Variants in STK32C observed in about 807,000 individuals in gnomAD.
STK32C encodes the protein serine/threonine-protein kinase 32C.
A neutral mutation model predicts 56.5 loss-of-function variants in STK32C; 31 were observed. The ratio of observed to expected loss-of-function variants is 0.55; its 90% CI spans 0.41 to 0.74. The LOEUF (loss-of-function observed/expected upper bound fraction) is 0.74, where lower values mean the gene tolerates loss of function less well. Among genes scored for constraint, STK32C ranks in the 30% least tolerant of loss-of-function variants. STK32C has a pLI of 0.00. For synonymous variants in STK32C, 309 were observed against 289.4 expected (o/e 1.07, Z -0.69); for missense variants, 544 against 676.9 (o/e 0.80, Z 2.18).
intron 1 of STK32C, among the ~76,000 whole-genome samples, chr10:132,250,870 G>T (rs191879779): frequency 6.0e-4 from 91 of 152,348 alleles, no homozygotes; most frequent in African/African-American, 2.2e-3. Context: ...GCTGCACTCA[G>T]AGCCCCCAAA....
At chr10:132,264,267 T>C (rs1379061189) in intron 1 of STK32C, among the ~76,000 whole-genome samples, 1 of 152,232 alleles carries the variant, frequency 6.6e-6, no homozygotes, top group African/African-American at 2.4e-5. Context: ...ATTAACAAGA[T>C]AATTATTTAA....
At chr10:132,300,840 C>T (rs2065891345) in intron 1 of STK32C, among the ~76,000 whole-genome samples, 1 of 152,168 alleles carries the variant, frequency 6.6e-6, no homozygotes. Context: ...ACCAAGGTCT[C>T]GCCACGTGCC....
chr10:132,295,416 G>T (rs1045525218), intron 1 of STK32C, among the ~76,000 whole-genome samples: 4 of 152,360 alleles, frequency 2.6e-5, no homozygotes, highest in Middle Eastern at 3.4e-3. Flanking sequence ...ACCGAAGAAG[G>T]GGTGTTGAAG....
chr10:132,208,871 C>T (rs1277275547), intron 11 of STK32C, among the ~76,000 whole-genome samples, 163 bp downstream of exon 11: 2 of 152,152 alleles, frequency 1.3e-5, no homozygotes, highest in East Asian at 3.9e-4. Flanking sequence ...TGGCAGGGGC[C>T]TCCCGCCGCT....
intron 10 of STK32C, among the ~76,000 whole-genome samples, chr10:132,212,867 G>A (rs557872037): frequency 9.2e-5 from 14 of 152,332 alleles, no homozygotes; most frequent in African/African-American, 3.1e-4. Flanking sequence ...GCGCTGCGGC[G>A]ACCCCCAAGT....
chr10:132,239,378 C>G (rs926598980), intron 2 of STK32C, among the ~76,000 whole-genome samples: 2 of 152,344 alleles, frequency 1.3e-5, no homozygotes, highest in Admixed American at 1.3e-4. Flanking sequence ...CACACAATCA[C>G]AGAATCACAG....
chr10:132,238,482 G>A (rs556831469), intron 2 of STK32C, among the ~76,000 whole-genome samples: 30 of 152,318 alleles, frequency 2.0e-4, no homozygotes, highest in African/African-American at 7.2e-4. Flanking sequence ...GGGAAAAGCA[G>A]GGAAAGGCGG....
chr10:132,329,961 G>A (rs532089840), intron 1 of STK32C, among the ~76,000 whole-genome samples: 53 of 149,402 alleles, frequency 3.5e-4, no homozygotes, highest in Admixed American at 4.0e-4. Flanking sequence ...CAAACTTCTC[G>A]GCAGGGTAGC....
intron 1 of STK32C, among the ~76,000 whole-genome samples, chr10:132,327,367 T>C (rs1188037339): frequency 1.3e-5 from 2 of 152,188 alleles, no homozygotes; most frequent in Admixed American, 6.5e-5. Context: ...AACCTTTTTT[T>C]CTTCCCAGTC....
At position 132,307,739 on chromosome 10, in the gene STK32C, GGCGCGTCGGAGCCGGCGGGGC is replaced by G; in HGVS notation, c.74_94del (p.Arg25_Ala31del). On this transcript the variant is annotated inframe_deletion, in exon 1 of 12. Transcript: ENST00000298630. The surrounding 1 kb of genome is among the most constrained non-coding windows in gnomAD (Gnocchi z 4.4). ...AGCAGCGGGCGGCGGCAGGGCCGAG[GGCGCGTCGGAGCCGGCGGGGC>G]GCGCGCGGCCGGGGGGCGGCGAGCC... 1.7e-5 allele frequency: 19 copies of G among 1,116,728 alleles called. No homozygotes were observed. Among genetic ancestry groups the G allele is most frequent in the Non-Finnish European group, 1.8e-5 (16 of 913,830 alleles). The allele number at this position is 1,116,728 out of a possible 1,614,324, so 69.2% of individuals were successfully genotyped here. A position where few individuals can be genotyped will look rare whatever the true frequency, so the allele number is the denominator to read the frequency against.
At position 132,248,372 on chromosome 10, in the gene STK32C, G is replaced by A. The variant is rs901159776; in HGVS notation, c.263-2417C>T. Among the ~76,000 whole-genome samples the A allele has an allele frequency of 1.3e-5, 2 of 152,248 alleles. 1 individual carries two copies. Among genetic ancestry groups the A allele is most frequent in the South Asian group, 4.1e-4 (2 of 4,836 alleles). On this transcript the variant is annotated intron_variant, in intron 1 of 11. Coordinates refer to ENST00000298630, the MANE Select transcript of STK32C (RefSeq NM_173575.4). ...ACAGACCTCGGAGTCTGCGGGGCCT[G>A]CCCTGCAGTGGGGAGGGGACAGGGT...
At chr10:132,236,161 T>A (rs1291277423) in intron 2 of STK32C, among the ~76,000 whole-genome samples, 1 of 140,842 alleles carries the variant, frequency 7.1e-6, no homozygotes, top group Non-Finnish European at 1.5e-5. Context: ...AGCCCACACA[T>A]GGGCCTCAGT....
At chr10:132,331,114 T>C (rs1009589400) in intron 1 of STK32C, among the ~76,000 whole-genome samples, 3 of 146,806 alleles carry the variant, frequency 2.0e-5, no homozygotes, top group African/African-American at 5.1e-5. Context: ...GGCAGGAGAA[T>C]TGCTTGAACC....
chr10:132,218,206 C>T (rs1590148846), intron 10 of STK32C, among the ~76,000 whole-genome samples: 1 of 152,154 alleles, frequency 6.6e-6, no homozygotes, highest in East Asian at 1.9e-4. Flanking sequence ...CAGTTCCAGC[C>T]ATTCTGGCAG....
At chr10:132,242,505 G>A (rs142539390) in intron 2 of STK32C, among the ~76,000 whole-genome samples, 147 of 152,102 alleles carry the variant, frequency 9.7e-4, no homozygotes, top group African/African-American at 3.3e-3. Flanking sequence ...CAGCCCCCCT[G>A]CAGTTCCAGC....
intron 2 of STK32C, among the ~76,000 whole-genome samples, chr10:132,232,072 T>TGCGGCCACGCCTGCAGGCA (rs1285918702): frequency 6.6e-6 from 1 of 152,248 alleles, no homozygotes; most frequent in Non-Finnish European, 1.5e-5. Flanking sequence ...TCTGAGCACC[T>TGCGGCCACGCCTGCAGGCA]GCGGCCACGC....
At chr10:132,317,984 A>AC (rs1015014892) in intron 1 of STK32C, among the ~76,000 whole-genome samples, 2 of 151,322 alleles carry the variant, frequency 1.3e-5, no homozygotes. Context: ...AAAAAAAAAA[A>AC]AAAGTCTGGG....
intron 1 of STK32C, among the ~76,000 whole-genome samples, chr10:132,296,264 G>A (rs188156958): frequency 6.6e-6 from 1 of 151,840 alleles, no homozygotes; most frequent in African/African-American, 2.4e-5. Context: ...TCACAGCACG[G>A]AGTAGACTAA....
At chr10:132,256,632 G>A (rs1413888366) in intron 1 of STK32C, among the ~76,000 whole-genome samples, 1 of 152,154 alleles carries the variant, frequency 6.6e-6, no homozygotes, top group African/African-American at 2.4e-5. Context: ...GGAGAGGTGG[G>A]CAGCAGCACC....
Sources: allele counts gnomAD v4.1 joint callset (sites outside exome capture counted in the v4.1 genomes callset), GRCh38; gene constraint gnomAD v4.1.1; non-coding constraint Gnocchi (gnomAD v3.1); transcripts MANE v1.5; gene names NCBI Gene and HGNC (gene_info 2026-07-23, HGNC 2026-07-21).